TICAM1: variants seen among roughly 807,000 people sequenced by gnomAD.
TICAM1 encodes the protein TIR domain-containing adapter molecule 1.
For missense variants in TICAM1, 895 were observed against 938.2 expected (o/e 0.95, Z 0.60); for synonymous variants, 439 against 415.4 (o/e 1.06, Z -0.69).
chr19:4,820,224 G>A (rs1185534939), intron 1 of TICAM1, among the ~76,000 whole-genome samples: 1 of 151,848 alleles, frequency 6.6e-6, no homozygotes, highest in Non-Finnish European at 1.5e-5. Context: ...GTCGAGACCA[G>A]CCTGGCCAAT....
chr19:4,824,054 G>A (rs2093602024), intron 1 of TICAM1, among the ~76,000 whole-genome samples: 1 of 151,852 alleles, frequency 6.6e-6, no homozygotes, highest in South Asian at 2.1e-4. Context: ...TGTCGCCCAA[G>A]CTGGAGTGCA....
At position 4,818,010 on chromosome 19, in the gene TICAM1, CG is replaced by C; in HGVS notation, c.367del (p.Arg123AlafsTer131). 6.2e-7 allele frequency: 1 copy of C among 1,611,652 alleles called. No homozygotes were observed. The highest frequency in any genetic ancestry group is 8.5e-7 in the Non-Finnish European group (1 of 1,179,882). ...GTGGTCGTCCCTGGAGCTGAGGGTG[CG>C]GACGGCTTCCTGGTAGGCCACGTCC... ...LRDVAYQEAV[R>X]TLSSRDDHRL... On this transcript the variant is annotated frameshift_variant, in exon 2 of 2. Coordinates refer to ENST00000248244, the MANE Select transcript of TICAM1 (RefSeq NM_182919.4). LOFTEE classifies it low-confidence loss of function (END_TRUNC). The surrounding 1 kb of genome is among the most constrained non-coding windows in gnomAD (Gnocchi z 4.0).
At chr19:4,827,933 T>A (rs1028990634) in intron 1 of TICAM1, among the ~76,000 whole-genome samples, 34 of 152,114 alleles carry the variant, frequency 2.2e-4, no homozygotes, top group African/African-American at 8.2e-4. Context: ...GGAACGGTTG[T>A]GTGTATAACT....
Position 4,818,927 on chromosome 19 carries a change from T to C in TICAM1, c.-139-411A>G, listed in dbSNP as rs2093592687. On this transcript the variant is annotated intron_variant, in intron 1 of 1. Coordinates refer to ENST00000248244, the MANE Select transcript of TICAM1 (RefSeq NM_182919.4). This position sits in a 1 kb window ranked among gnomAD's most constrained non-coding sequence, Gnocchi z 4.0. ...GAGTTCGAGACCAGCCTGGCCAACATGGTGAAACCCCGTTTCTACTAAAAA... is the reference window on the plus strand; with the variant it reads ...GAGTTCGAGACCAGCCTGGCCAACACGGTGAAACCCCGTTTCTACTAAAAA... Among the ~76,000 whole-genome samples, 2 of 152,166 alleles carry C rather than the reference T, an allele frequency of 1.3e-5. No homozygotes were observed. Among genetic ancestry groups the C allele is most frequent in the South Asian group, 2.1e-4 (1 of 4,818 alleles).
At position 4,816,602 on chromosome 19, in the gene TICAM1, C is replaced by A; in HGVS notation, c.1776G>T (p.Gly592=). The change falls in exon 2 of 2, where the codon GGG becomes GGT. Residue 592 remains glycine (G), a synonymous_variant. Coordinates refer to ENST00000248244, the MANE Select transcript of TICAM1 (RefSeq NM_182919.4). This position sits in a 1 kb window ranked among gnomAD's most constrained non-coding sequence, Gnocchi z 4.3. ...CCCCAGTCCCAAATGACATGTGGCT[C>A]CCAAAAGCCACCTGGAGCTGCTCCA... ...AQMEQLQVAF[G]SHMSFGTGAP... 1.2e-6 allele frequency: 2 copies of A among 1,613,824 alleles called. No individual in the cohort carries two copies. The highest frequency in any genetic ancestry group is 1.7e-6 in the Non-Finnish European group (2 of 1,180,026).
In TICAM1 at chr19:4,818,121, G is replaced by A; in HGVS notation, c.257C>T (p.Pro86Leu). 6.2e-7 allele frequency: 1 copy of A among 1,608,606 alleles called. No individual in the cohort carries two copies. Among genetic ancestry groups the A allele is most frequent in the South Asian group, 1.1e-5 (1 of 91,068 alleles). ...CCAGGACACATCTGGGGGCTCCTCTGGGTCCTCGGTGCTGTCCACGCCAGC... is the reference window on the plus strand; with the variant it reads ...CCAGGACACATCTGGGGGCTCCTCTAGGTCCTCGGTGCTGTCCACGCCAGC... The part of the protein sequence containing the change: ...QWAGVDSTED[P>L]EEPPDVSWAV... The change falls in exon 2 of 2, where the codon CCA becomes CTA. Residue 86 changes from proline (P) to leucine (L), a missense_variant. By Grantham distance (98) the Pro-to-Leu change is moderately conservative. Coordinates refer to ENST00000248244, the MANE Select transcript of TICAM1 (RefSeq NM_182919.4). This position sits in a 1 kb window ranked among gnomAD's most constrained non-coding sequence, Gnocchi z 4.0.
rs546675716 is a variant in TICAM1, at chr19:4,822,431, C to T, written c.-139-3915G>A. 2.6e-5 allele frequency among the ~76,000 whole-genome samples: 4 copies of T among 152,108 alleles called. No homozygotes were observed. The South Asian group carries it at 8.3e-4, about 32-fold the overall frequency. ...CTAATTTTTGTACTTTTTATAGAGA[C>T]GGGGTTTCACCATATTGGCCAGGCT... On this transcript the variant is annotated intron_variant, in intron 1 of 1. Coordinates refer to ENST00000248244, the MANE Select transcript of TICAM1 (RefSeq NM_182919.4).
intron 1 of TICAM1, among the ~76,000 whole-genome samples, chr19:4,824,753 C>A (rs1301169646): frequency 6.6e-6 from 1 of 151,132 alleles, no homozygotes; most frequent in Non-Finnish European, 1.5e-5. Context: ...GCCAACATGG[C>A]GAAATCCCGT....
chr19:4,821,374 G>A (rs1450955244), intron 1 of TICAM1, among the ~76,000 whole-genome samples: 1 of 151,842 alleles, frequency 6.6e-6, no homozygotes, highest in African/African-American at 2.4e-5. Flanking sequence ...ACAATATAAC[G>A]GGCATGTGTG....
intron 1 of TICAM1, among the ~76,000 whole-genome samples, chr19:4,828,207 C>T (rs996071468): frequency 4.0e-5 from 6 of 148,998 alleles, no homozygotes; most frequent in African/African-American, 7.4e-5. Flanking sequence ...TTCTGCCTCC[C>T]GGGTTCCCAC....
At position 4,816,113 on chromosome 19, in the gene TICAM1, GA is replaced by G; in HGVS notation, c.*125del. The G allele has an allele frequency of 7.6e-7, 1 of 1,316,180 alleles. No individual in the cohort carries two copies. Among genetic ancestry groups the G allele is most frequent in the Non-Finnish European group, 9.7e-7 (1 of 1,033,406 alleles). The allele number at this position is 1,316,180 out of a possible 1,614,324, so 81.5% of individuals were successfully genotyped here. A position where few individuals can be genotyped will look rare whatever the true frequency, so the allele number is the denominator to read the frequency against. On this transcript the variant is annotated 3_prime_UTR_variant, in exon 2 of 2. Transcript: ENST00000248244. The surrounding 1 kb of genome is among the most constrained non-coding windows in gnomAD (Gnocchi z 4.3). ...ATGAAGGGCTCCCGGACAATGTCCT[GA>G]AAGTGGCAGATGACCTCATCTTCCA...
At chr19:4,819,167 C>T (rs748375553) in intron 1 of TICAM1, among the ~76,000 whole-genome samples, 1 of 149,964 alleles carries the variant, frequency 6.7e-6, no homozygotes, top group South Asian at 2.1e-4. Flanking sequence ...CCAGCTACTC[C>T]GGAGGCTGAG....
At chr19:4,826,319 T>A (rs1001797552) in intron 1 of TICAM1, among the ~76,000 whole-genome samples, 72 of 98,892 alleles carry the variant, frequency 7.3e-4, no homozygotes, top group Admixed American at 1.3e-3. Context: ...ATATATATAT[T>A]TATTTATTTA....
chr19:4,830,940 G>A (rs2093612765), intron 1 of TICAM1, among the ~76,000 whole-genome samples: 1 of 152,218 alleles, frequency 6.6e-6, no homozygotes. Context: ...GGAACAGTAA[G>A]GAAGCCCATG....
chr19:4,822,973 T>G (rs2093600092), intron 1 of TICAM1, among the ~76,000 whole-genome samples: 1 of 152,198 alleles, frequency 6.6e-6, no homozygotes, highest in Non-Finnish European at 1.5e-5. Context: ...AAGGCCTTTT[T>G]TTGGTTTGTA....
At position 4,818,085 on chromosome 19, in the gene TICAM1, C is replaced by T. The variant is rs761804578; in HGVS notation, c.293G>A (p.Arg98His). Reference protein sequence around the residue: ...EPPDVSWAVARLYHLLAEEKL... With the variant: ...EPPDVSWAVAHLYHLLAEEKL... ...CTCCTCAGCCAGCAGGTGGTACAAGCGGGCCACAGCCCAGGACACATCTGG... is the reference window on the plus strand; with the variant it reads ...CTCCTCAGCCAGCAGGTGGTACAAGTGGGCCACAGCCCAGGACACATCTGG... Residue 98 changes from arginine (R) to histidine (H), a missense_variant, in exon 2 of 2, where the codon CGC becomes CAC. Arg to His is a conservative substitution (Grantham distance 29, BLOSUM62 0). Transcript: ENST00000248244. The surrounding 1 kb of genome is among the most constrained non-coding windows in gnomAD (Gnocchi z 4.0). The T allele has an allele frequency of 7.5e-6, 12 of 1,607,428 alleles. No individual in the cohort carries two copies. Among genetic ancestry groups the T allele is most frequent in the East Asian group, 2.2e-5 (1 of 44,862 alleles).
chr19:4,828,597 G>C (rs1428891534), intron 1 of TICAM1, among the ~76,000 whole-genome samples: 1 of 151,854 alleles, frequency 6.6e-6, no homozygotes, highest in Admixed American at 6.6e-5. Flanking sequence ...GCAGTGGTGC[G>C]ATCTAGGCTC....
In TICAM1 at chr19:4,815,945, T is replaced by C. The variant is rs2093583897; in HGVS notation, c.*294A>G. The C allele has an allele frequency of 3.5e-6, 1 of 286,184 alleles. No homozygotes were observed. Among genetic ancestry groups the C allele is most frequent in the East Asian group, 6.0e-5 (1 of 16,626 alleles). The allele number at this position is 286,184 out of a possible 1,614,324, so 17.7% of individuals were successfully genotyped here. A position where few individuals can be genotyped will look rare whatever the true frequency, so the allele number is the denominator to read the frequency against. ...TGGCGCTGCGGAAGCATTCAATAAATATTTATTATAATTAAAAGACCGTAG... is the reference window on the plus strand; with the variant it reads ...TGGCGCTGCGGAAGCATTCAATAAACATTTATTATAATTAAAAGACCGTAG... On this transcript the variant is annotated 3_prime_UTR_variant, in exon 2 of 2. Transcript: ENST00000248244.
At chr19:4,826,950 T>C (rs1021953748) in intron 1 of TICAM1, among the ~76,000 whole-genome samples, 2 of 152,094 alleles carry the variant, frequency 1.3e-5, no homozygotes, top group East Asian at 1.9e-4. Flanking sequence ...GCATATGGCC[T>C]AAGTACTCCT....
Sources: gnomAD v4.1 joint callset for allele counts (sites outside exome capture counted in the v4.1 genomes callset) on GRCh38, gnomAD v4.1.1 for gene constraint, Gnocchi (gnomAD v3.1) non-coding constraint, MANE v1.5 for transcripts, NCBI Gene and HGNC (gene_info 2026-07-23, HGNC 2026-07-21) for gene names.